The following DPH6 variants were observed in gnomAD, a reference collection of about 807,000 sequenced individuals.
The protein encoded by DPH6 is diphthamine biosynthesis 6, also known as diphthine--ammonia ligase.
A neutral mutation model predicts 38.2 loss-of-function variants in DPH6; 33 were observed. The observed-to-expected ratio is 0.86, with a 90% CI of 0.65 to 1.15. DPH6 has a LOEUF of 1.15. DPH6 is among the 50% of genes most tolerant of loss of function. DPH6 has a pLI of 0.00. For missense variants in DPH6, 325 were observed against 320.0 expected, an observed-to-expected ratio of 1.02 and a Z score of -0.12; for synonymous variants, 108 against 103.0, an observed-to-expected ratio of 1.05 and a Z score of -0.30.
At chr15:35,395,438 A>G (rs925210236) in intron 6 of DPH6, among the ~76,000 whole-genome samples, 1 of 152,270 alleles carries the variant, frequency 6.6e-6, no homozygotes, top group Middle Eastern at 3.4e-3. Flanking sequence ...TTCTTACCCC[A>G]AATCACTTGG....
At chr15:35,379,335 G>A (rs1263571651) in intron 7 of DPH6, among the ~76,000 whole-genome samples, 3 of 152,240 alleles carry the variant, frequency 2.0e-5, no homozygotes, top group African/African-American at 7.2e-5. Flanking sequence ...TGAATCAGAC[G>A]TTTGAAGTAG....
At chr15:35,284,768 T>C (rs999658225) in intron 3 of DPH6, among the ~76,000 whole-genome samples, 3 of 143,196 alleles carry the variant, frequency 2.1e-5, no homozygotes, top group African/African-American at 7.6e-5. Flanking sequence ...CTATGACAGA[T>C]ATAAAAGGAA....
At chr15:35,425,447 T>C (rs1352773845) in intron 5 of DPH6, among the ~76,000 whole-genome samples, 1 of 151,606 alleles carries the variant, frequency 6.6e-6, no homozygotes, top group Non-Finnish European at 1.5e-5. Flanking sequence ...TAGCATTCAT[T>C]AAAATAGAAT....
At chr15:35,515,232 T>C (rs1247088197) in intron 3 of DPH6, among the ~76,000 whole-genome samples, 1 of 152,170 alleles carries the variant, frequency 6.6e-6, no homozygotes, top group East Asian at 1.9e-4. Flanking sequence ...GTGACTTCTT[T>C]TCCTCTCTTT....
At chr15:35,384,996 G>T (rs1191957755) in intron 6 of DPH6, among the ~76,000 whole-genome samples, 1 of 152,006 alleles carries the variant, frequency 6.6e-6, no homozygotes, top group Admixed American at 6.6e-5. Flanking sequence ...ACATTTATGC[G>T]GCCAACAAAC....
intron 3 of DPH6, among the ~76,000 whole-genome samples, chr15:35,455,785 T>A (rs2053988881): frequency 6.6e-6 from 1 of 152,148 alleles, no homozygotes; most frequent in African/African-American, 2.4e-5. Context: ...AAGAAATCCA[T>A]CCTAGCCTGT....
chr15:35,514,462 T>C lies in DPH6; in HGVS notation c.312+23812A>G, dbSNP rs919799887. 4.6e-5 allele frequency among the ~76,000 whole-genome samples: 7 copies of C among 152,078 alleles called. 1 individual carries two copies. In the East Asian group the frequency reaches 1.3e-3, roughly 29 times the overall value. On this transcript the variant is annotated intron_variant, in intron 3 of 8. Transcript: ENST00000256538. ...ATAGCCCTAAAGAATATCTGATAAA[T>C]AAGATGATGCTTCCTTAAATAAGGA... is the stretch of plus-strand genomic sequence containing the variant.
chr15:35,285,729 G>A (rs527715862), intron 3 of DPH6, among the ~76,000 whole-genome samples: 51 of 151,766 alleles, frequency 3.4e-4, no homozygotes, highest in African/African-American at 8.7e-4. Flanking sequence ...AAATAGTATC[G>A]AATTAAGTGG....
intron 2 of DPH6, among the ~76,000 whole-genome samples, chr15:35,540,212 C>A (rs1467985659): frequency 6.6e-6 from 1 of 152,072 alleles, no homozygotes; most frequent in Non-Finnish European, 1.5e-5. Flanking sequence ...AGCTACAGAG[C>A]AACAATAGTG....
chr15:35,392,781 A>G (rs1340013858), intron 6 of DPH6, among the ~76,000 whole-genome samples: 1 of 152,248 alleles, frequency 6.6e-6, no homozygotes, highest in Non-Finnish European at 1.5e-5. Context: ...CTCAAAGTAA[A>G]TAAAACTTAA....
chr15:35,176,304 A>G, the DPH6 span, among the ~76,000 whole-genome samples: 10 of 152,338 alleles, frequency 6.6e-5, no homozygotes, highest in South Asian at 1.2e-3. Context: ...TAAGGCTAAG[A>G]AAAGTGCTGC....
the DPH6 span, among the ~76,000 whole-genome samples, chr15:35,184,843 T>G: frequency 2.6e-5 from 4 of 152,196 alleles, no homozygotes; most frequent in African/African-American, 7.2e-5. Flanking sequence ...TGGGTCATTT[T>G]GTAGGGTCAG....
Position 35,373,527 on chromosome 15 carries a change from C to T in DPH6, c.744G>A (p.Glu248=), listed in dbSNP as rs747364480. 1.2e-5 allele frequency: 19 copies of T among 1,601,292 alleles called. No homozygotes were observed. The Admixed American group carries it at 3.3e-4, about 28-fold the overall frequency. ...AYLRFLELHL[E]DKVSSVPDNY... ...GAATCTTAGATTTACTTGCCTTGTCCTCCAAGTGCAATTCTAAAAAGCGTA... is the reference window on the plus strand; with the variant it reads ...GAATCTTAGATTTACTTGCCTTGTCTTCCAAGTGCAATTCTAAAAAGCGTA... Residue 248 remains glutamate (E), a synonymous_variant, in exon 8 of 9, where the codon GAG becomes GAA. Coordinates refer to ENST00000256538, the MANE Select transcript of DPH6 (RefSeq NM_080650.4).
Position 35,394,126 on chromosome 15 carries a change from C to G in DPH6, c.568-12210G>C, listed in dbSNP as rs8034815. ...TTATAAATATCCCTCACTGTTTTATCTAGAATATGTTCTTCTCTCTTAATG... is the reference window on the plus strand; with the variant it reads ...TTATAAATATCCCTCACTGTTTTATGTAGAATATGTTCTTCTCTCTTAATG... On this transcript the variant is annotated intron_variant, in intron 6 of 8. Transcript: ENST00000256538. 6.9e-3 allele frequency among the ~76,000 whole-genome samples: 1,056 copies of G among 152,240 alleles called. 15 individuals carry two copies. The highest frequency in any genetic ancestry group is 0.024 in the African/African-American group (985 of 41,536).
At chr15:35,361,423 T>C (rs1293183227) in intron 3 of DPH6, among the ~76,000 whole-genome samples, 1 of 152,192 alleles carries the variant, frequency 6.6e-6, no homozygotes, top group Non-Finnish European at 1.5e-5. Context: ...TTTAGGTTTG[T>C]CTTATTTTTA....
intron 6 of DPH6, 93 bp downstream of exon 6, chr15:35,410,741 TA>T (rs2053355204): frequency 9.8e-7 from 1 of 1,023,336 alleles, no homozygotes; most frequent in Non-Finnish European, 1.4e-6. Flanking sequence ...TGATTTTTAC[TA>T]AAATAAAGTA....
chr15:35,528,009 T>A (rs1282644155), intron 3 of DPH6, among the ~76,000 whole-genome samples: 2 of 152,198 alleles, frequency 1.3e-5, no homozygotes, highest in Non-Finnish European at 2.9e-5. Context: ...AGGTTCAATC[T>A]GTTATGATGC....
chr15:35,472,728 G>A (rs1382818349), intron 3 of DPH6, among the ~76,000 whole-genome samples: 2 of 151,916 alleles, frequency 1.3e-5, no homozygotes, highest in Non-Finnish European at 2.9e-5. Flanking sequence ...AAATCAGCAA[G>A]AGACAAGTCC....
intron 3 of DPH6, among the ~76,000 whole-genome samples, chr15:35,513,103 G>A (rs1190083505): frequency 6.6e-6 from 1 of 151,984 alleles, no homozygotes; most frequent in Non-Finnish European, 1.5e-5. Context: ...AAAAAGCAAT[G>A]TACAAAGTAC....
Sources: gnomAD v4.1 joint callset for allele counts (sites outside exome capture counted in the v4.1 genomes callset) on GRCh38, gnomAD v4.1.1 for gene constraint, MANE v1.5 for transcripts, NCBI Gene and HGNC (gene_info 2026-07-23, HGNC 2026-07-21) for gene names.